NOL4: variants seen among roughly 807,000 people sequenced by gnomAD.
NOL4 encodes the protein cancer/testis antigen 125.
In NOL4, 17 loss-of-function variants were observed where a neutral mutation model predicts 75.9. The observed-to-expected ratio is 0.22, with a 90% CI of 0.15 to 0.34. The LOEUF is 0.34. Ranked by LOEUF, NOL4 falls within the 10% of genes least tolerant of loss-of-function variation. The pLI, the probability that NOL4 is intolerant of heterozygous loss-of-function variation, is 1.00. For synonymous variants in NOL4, 292 were observed against 289.9 expected (o/e 1.01, Z -0.07); for missense variants, 614 against 793.5 (o/e 0.77, Z 2.72).
chr18:33,931,830 G>A (rs1232317246), intron 9 of NOL4, among the ~76,000 whole-genome samples: 1 of 151,990 alleles, frequency 6.6e-6, no homozygotes, highest in Non-Finnish European at 1.5e-5. Context: ...CATAATCTTA[G>A]TTTGGTATAA....
intron 6 of NOL4, among the ~76,000 whole-genome samples, chr18:33,998,471 C>T (rs764792298): frequency 6.6e-5 from 10 of 152,034 alleles, no homozygotes; most frequent in Non-Finnish European, 1.3e-4. Flanking sequence ...ATGTGATTAA[C>T]TGCCAGAAGA....
chr18:34,027,154 A>G (rs2075384728), intron 5 of NOL4, among the ~76,000 whole-genome samples: 1 of 152,228 alleles, frequency 6.6e-6, no homozygotes, highest in South Asian at 2.1e-4. Flanking sequence ...ATAGTAGAAT[A>G]TAAAGAAAGT....
chr18:34,028,752 C>A (rs2075479929), intron 5 of NOL4, among the ~76,000 whole-genome samples: 2 of 152,292 alleles, frequency 1.3e-5, no homozygotes, highest in South Asian at 4.1e-4. Context: ...ACCAGACTCC[C>A]AGAAGATTCA....
intron 8 of NOL4, among the ~76,000 whole-genome samples, chr18:33,945,144 G>T (rs781580420): frequency 2.6e-5 from 4 of 151,758 alleles, no homozygotes; most frequent in Non-Finnish European, 5.9e-5. Flanking sequence ...TGTTTCCAGG[G>T]ATGAAATTAA....
chr18:34,135,046 AT>A (rs1252066653), intron 1 of NOL4, among the ~76,000 whole-genome samples: 3 of 152,194 alleles, frequency 2.0e-5, no homozygotes, highest in Non-Finnish European at 4.4e-5. Flanking sequence ...GGGAGAGAAT[AT>A]GTAAAAACTT....
intron 1 of NOL4, among the ~76,000 whole-genome samples, chr18:34,171,915 G>C (rs772063603): frequency 6.6e-6 from 1 of 152,008 alleles, no homozygotes; most frequent in Non-Finnish European, 1.5e-5. Context: ...TGGTAATCAA[G>C]TTCTTAAACA....
chr18:34,160,725 G>A (rs977705818), intron 1 of NOL4, among the ~76,000 whole-genome samples: 1 of 151,970 alleles, frequency 6.6e-6, no homozygotes, highest in Admixed American at 6.6e-5. Flanking sequence ...TATGGGGTTC[G>A]GTGTGATATT....
chr18:34,033,365 A>G (rs191918901), intron 5 of NOL4, among the ~76,000 whole-genome samples: 2 of 152,262 alleles, frequency 1.3e-5, no homozygotes, highest in African/African-American at 2.4e-5. Context: ...ATTTTAAAAT[A>G]CCAGAGTTTT....
chr18:33,872,522 T>C (rs879652337), intron 10 of NOL4, among the ~76,000 whole-genome samples: 1 of 151,976 alleles, frequency 6.6e-6, no homozygotes, highest in African/African-American at 2.4e-5. Context: ...CCTGATGGAA[T>C]AGACATAGAA....
At chr18:33,919,862 A>C (rs1267039634) in intron 9 of NOL4, among the ~76,000 whole-genome samples, 1 of 152,188 alleles carries the variant, frequency 6.6e-6, no homozygotes, top group Non-Finnish European at 1.5e-5. Context: ...ATTACAACTA[A>C]GCAAAACATT....
At chr18:34,145,357 T>A (rs554603736) in intron 1 of NOL4, among the ~76,000 whole-genome samples, 4 of 152,122 alleles carry the variant, frequency 2.6e-5, no homozygotes, top group Admixed American at 6.6e-5. Context: ...AAGTAGCTCA[T>A]GTAATTGATA....
At chr18:34,186,911 G>A (rs1407705260) in intron 1 of NOL4, among the ~76,000 whole-genome samples, 1 of 152,092 alleles carries the variant, frequency 6.6e-6, no homozygotes, top group Non-Finnish European at 1.5e-5. Context: ...CCGCAAAACT[G>A]GACAGAAAGT....
In NOL4 at chr18:33,942,202, C is replaced by G. The variant is rs914500413; in HGVS notation, c.1542+863G>C. ...TTGAACTAACTTACTTTAGTCTTGA[C>G]TCATCTCATCCTCAATTAGCAATAT... On this transcript the variant is annotated intron_variant, in intron 9 of 10. Coordinates refer to ENST00000261592, the MANE Select transcript of NOL4 (RefSeq NM_003787.5). Among the ~76,000 whole-genome samples the G allele has an allele frequency of 2.0e-4, 31 of 152,092 alleles. No homozygotes were observed. In the South Asian group the frequency reaches 3.5e-3, roughly 17 times the overall value.
chr18:34,173,117 G>C (rs1027429853), intron 1 of NOL4, among the ~76,000 whole-genome samples: 4 of 151,922 alleles, frequency 2.6e-5, no homozygotes, highest in Non-Finnish European at 5.9e-5. Flanking sequence ...GAGCCTAGAG[G>C]ACATTACGCT....
chr18:33,936,155 T>TA (rs1018010014), intron 9 of NOL4, among the ~76,000 whole-genome samples: 5 of 151,988 alleles, frequency 3.3e-5, no homozygotes, highest in Non-Finnish European at 4.4e-5. Context: ...TAGATAGTTT[T>TA]AAAAAAAAGT....
intron 10 of NOL4, among the ~76,000 whole-genome samples, chr18:33,877,437 T>TA (rs35251455): frequency 0.19 from 20,652 of 106,070 alleles, 2,198 homozygotes; most frequent in East Asian, 0.36. Context: ...GACCTTGCCT[T>TA]AAAAAAAAAA....
At chr18:34,180,417 G>A (rs565360722) in intron 1 of NOL4, among the ~76,000 whole-genome samples, 1 of 151,520 alleles carries the variant, frequency 6.6e-6, no homozygotes, top group East Asian at 1.9e-4. Flanking sequence ...AAAAGTATTT[G>A]AGAAAAATCC....
At chr18:34,104,259 A>G (rs2079167339) in intron 3 of NOL4, 100 bp from the exon 4 acceptor site, 2 of 750,106 alleles carry the variant, frequency 2.7e-6, no homozygotes, top group Non-Finnish European at 2.3e-6. Flanking sequence ...GATTTTAGAT[A>G]TCAAGTGTCT....
chr18:33,977,491 C>T (rs542932338), intron 6 of NOL4, among the ~76,000 whole-genome samples: 8 of 152,254 alleles, frequency 5.3e-5, no homozygotes, highest in South Asian at 2.1e-4. Flanking sequence ...GTTCCTCTTT[C>T]GCCTTCCACC....
Sources: allele counts gnomAD v4.1 joint callset (sites outside exome capture counted in the v4.1 genomes callset), GRCh38; gene constraint gnomAD v4.1.1; transcripts MANE v1.5; gene names NCBI Gene and HGNC (gene_info 2026-07-23, HGNC 2026-07-21).